SLC25A53: variants seen among roughly 807,000 people sequenced by gnomAD.
SLC25A53 encodes solute carrier family 25 member 53.
SLC25A53 carries 5 observed loss-of-function variants against 15.0 expected under a neutral mutation model. The ratio of observed to expected loss-of-function variants is 0.33; its 90% CI spans 0.17 to 0.70. The LOEUF (loss-of-function observed/expected upper bound fraction) is 0.70. Among genes scored for constraint, SLC25A53 ranks in the 30% least tolerant of loss-of-function variants. The pLI is 0.67. For synonymous variants in SLC25A53, 95 were observed against 100.0 expected (o/e 0.95, Z 0.30); for missense variants, 216 against 241.6 (o/e 0.89, Z 0.70).
rs1297016156 is a variant in SLC25A53, at chrX:104,129,937, G to T, written c.-31-24649C>A. On this transcript the variant is annotated intron_variant, in intron 1 of 1. Transcript: ENST00000594199. ...GCAGACACTGTAATTGTTGAAGCTG[G>T]ATGATAAGTATATGGGGATTCATTT... 5.7e-5 allele frequency among the ~76,000 whole-genome samples: 6 copies of T among 106,061 alleles called. No individual in the cohort carries two copies. In the Admixed American group the frequency reaches 6.2e-4, roughly 11 times the overall value. The allele number at this position is 106,061 out of a possible 115,157, so 92.1% of individuals were successfully genotyped here. A position where few individuals can be genotyped will look rare whatever the true frequency, so the allele number is the denominator to read the frequency against.
intron 1 of SLC25A53, among the ~76,000 whole-genome samples, chrX:104,125,231 C>A (rs781800493): frequency 1.8e-5 from 2 of 111,008 alleles, no homozygotes; most frequent in Non-Finnish European, 3.8e-5. Context: ...GTGTGTTCTT[C>A]GGCTTTTACA....
intron 1 of SLC25A53, among the ~76,000 whole-genome samples, chrX:104,127,000 G>C (rs781815979): frequency 1.9e-4 from 21 of 112,301 alleles, no homozygotes; most frequent in Non-Finnish European, 3.6e-4. Context: ...GCATTCCTGG[G>C]CATTTATCCC....
intron 1 of SLC25A53, among the ~76,000 whole-genome samples, chrX:104,143,647 G>C: frequency 8.9e-6 from 1 of 111,946 alleles, no homozygotes; most frequent in East Asian, 2.8e-4. Flanking sequence ...TGAAAGTGAC[G>C]GGGAGAATGG....
intron 1 of SLC25A53, among the ~76,000 whole-genome samples, 152 bp downstream of exon 1, chrX:104,156,725 TC>T (rs1231445189): frequency 1.8e-5 from 2 of 109,891 alleles, no homozygotes; most frequent in African/African-American, 6.6e-5. Flanking sequence ...AGCTACGCCA[TC>T]AATTCTCGCC....
At chrX:104,136,099 A>T (rs1327932392) in intron 1 of SLC25A53, among the ~76,000 whole-genome samples, 1 of 111,470 alleles carries the variant, frequency 9.0e-6, no homozygotes, top group South Asian at 3.7e-4. Flanking sequence ...ATGGCTCACA[A>T]CTCACATATC....
At chrX:104,115,025 A>G (rs1203758163) in intron 1 of SLC25A53, 1 of 1,194,801 alleles carries the variant, frequency 8.4e-7, no homozygotes, top group Non-Finnish European at 1.1e-6. Flanking sequence ...AGACCTCTGG[A>G]TCAAGTGCTG....
intron 1 of SLC25A53, chrX:104,115,247 T>C: frequency 8.3e-7 from 1 of 1,200,763 alleles, no homozygotes. Context: ...ATCATCACCC[T>C]GCAGGAGCTG....
intron 1 of SLC25A53, among the ~76,000 whole-genome samples, chrX:104,156,317 C>G (rs1458133403): frequency 9.0e-6 from 1 of 111,239 alleles, no homozygotes. Flanking sequence ...ATCTCTGTCT[C>G]CTTGTATTGT....
intron 1 of SLC25A53, among the ~76,000 whole-genome samples, chrX:104,136,394 A>G (rs1490082654): frequency 1.8e-5 from 2 of 111,263 alleles, no homozygotes; most frequent in Non-Finnish European, 3.8e-5. Flanking sequence ...TCTGTCTGGT[A>G]ATGACAGAAT....
At position 104,148,318 on chromosome X, in the gene SLC25A53, G is replaced by A. The variant is rs1389886422; in HGVS notation, c.-32+8560C>T. Among the ~76,000 whole-genome samples the A allele has an allele frequency of 6.4e-5, 7 of 109,359 alleles. No individual in the cohort carries two copies. The South Asian group carries it at 2.4e-3, about 38-fold the overall frequency. 95.0% of individuals were successfully genotyped at this position (109,359 alleles called of 115,157 possible). ...GACTGTTGTAGGGTGGGAGGAGGGG[G>A]GAGGGATAGCATTAGGAGATATACC... On this transcript the variant is annotated intron_variant, in intron 1 of 1. Transcript: ENST00000594199.
At chrX:104,113,778 A>C in intron 1 of SLC25A53, 1 of 229,914 alleles carries the variant, frequency 4.3e-6, no homozygotes. Context: ...TACAGGCAGG[A>C]GGGGATGGAT....
intron 1 of SLC25A53, among the ~76,000 whole-genome samples, chrX:104,143,270 T>G (rs782038325): frequency 2.2e-4 from 24 of 111,495 alleles, no homozygotes; most frequent in African/African-American, 7.2e-4. Flanking sequence ...CTGACAGAAG[T>G]AGGCTTCAGA....
intron 1 of SLC25A53, chrX:104,115,189 G>A (rs1556360980): frequency 1.7e-6 from 2 of 1,209,719 alleles, no homozygotes; most frequent in Non-Finnish European, 2.2e-6. Context: ...CCACTCAAAA[G>A]AAACCTGTGA....
At chrX:104,137,955 A>G (rs1480589283) in intron 1 of SLC25A53, among the ~76,000 whole-genome samples, 3 of 112,468 alleles carry the variant, frequency 2.7e-5, no homozygotes, top group African/African-American at 9.7e-5. Flanking sequence ...GATGGAGACA[A>G]GTTGGCATTT....
At chrX:104,113,153 G>A (rs1223608151) in intron 1 of SLC25A53, 1 of 111,255 alleles carries the variant, frequency 9.0e-6, no homozygotes, top group Non-Finnish European at 1.9e-5. Flanking sequence ...GGAATATGAG[G>A]GTGGGAGGTT....
At chrX:104,147,408 A>G (rs1266524017) in intron 1 of SLC25A53, among the ~76,000 whole-genome samples, 1 of 111,569 alleles carries the variant, frequency 9.0e-6, no homozygotes, top group African/African-American at 3.3e-5. Flanking sequence ...TTCATGTCTA[A>G]AACACCAAAA....
At chrX:104,152,565 G>A (rs1156466970) in intron 1 of SLC25A53, among the ~76,000 whole-genome samples, 2 of 110,769 alleles carry the variant, frequency 1.8e-5, no homozygotes, top group Non-Finnish European at 3.8e-5. Flanking sequence ...AGCCTCCTGA[G>A]TACCTGGGAT....
intron 1 of SLC25A53, among the ~76,000 whole-genome samples, chrX:104,144,165 T>C (rs2075459007): frequency 9.0e-6 from 1 of 111,652 alleles, no homozygotes; most frequent in Non-Finnish European, 1.9e-5. Flanking sequence ...TGTAAGACCA[T>C]CGACGCTATG....
At chrX:104,116,116 A>G (rs2075376052) in intron 1 of SLC25A53, among the ~76,000 whole-genome samples, 1 of 107,218 alleles carries the variant, frequency 9.3e-6, no homozygotes, top group Admixed American at 1.0e-4. Context: ...TCAGATGGGG[A>G]ACGGGGGGGG....
Sources: allele counts gnomAD v4.1 joint callset (sites outside exome capture counted in the v4.1 genomes callset), GRCh38; gene constraint gnomAD v4.1.1; transcripts MANE v1.5; gene names NCBI Gene and HGNC (gene_info 2026-07-23, HGNC 2026-07-21).